RASSF8: variants seen among roughly 807,000 people sequenced by gnomAD.
The protein encoded by RASSF8 is ras association domain-containing protein 8.
RASSF8 carries 22 observed loss-of-function variants against 48.5 expected under a neutral mutation model. That is an observed-to-expected ratio of 0.45 (90% CI 0.32 to 0.65). The LOEUF (loss-of-function observed/expected upper bound fraction) is 0.65. RASSF8 is among the 30% of genes least tolerant of loss of function. RASSF8 has a pLI of 0.03. For missense variants in RASSF8, 418 were observed against 489.2 expected, an observed-to-expected ratio of 0.85 and a Z score of 1.37; for synonymous variants, 127 against 171.5, an observed-to-expected ratio of 0.74 and a Z score of 2.03.
chr12:26,013,046 A>G (rs1337566965), intron 2 of RASSF8, among the ~76,000 whole-genome samples: 1 of 152,142 alleles, frequency 6.6e-6, no homozygotes, highest in East Asian at 1.9e-4. Context: ...AAATTTATAG[A>G]ATCAAAATAA....
At chr12:25,981,238 A>T (rs939361423) in intron 1 of RASSF8, among the ~76,000 whole-genome samples, 27 of 152,202 alleles carry the variant, frequency 1.8e-4, no homozygotes, top group African/African-American at 6.5e-4. Flanking sequence ...GTGGGGTTTT[A>T]TTGGGGGCCT....
chr12:25,990,691 T>C (rs569000380), intron 1 of RASSF8, among the ~76,000 whole-genome samples: 233 of 152,344 alleles, frequency 1.5e-3, no homozygotes, highest in African/African-American at 4.6e-3. Flanking sequence ...CTTTGTATTT[T>C]GATGACAAGG....
chr12:26,001,627 G>T (rs1308965268), intron 2 of RASSF8, among the ~76,000 whole-genome samples: 1 of 151,904 alleles, frequency 6.6e-6, no homozygotes, highest in Non-Finnish European at 1.5e-5. Flanking sequence ...GGTCTACACA[G>T]GGTTGAGATT....
intron 1 of RASSF8, among the ~76,000 whole-genome samples, chr12:25,981,340 C>T (rs946483435): frequency 2.0e-5 from 3 of 152,098 alleles, no homozygotes; most frequent in African/African-American, 4.8e-5. Context: ...ACTTAGTGTC[C>T]CCCTGCTCAA....
chr12:26,062,501 A>G (rs1324229986), intron 3 of RASSF8, among the ~76,000 whole-genome samples: 1 of 152,134 alleles, frequency 6.6e-6, no homozygotes, highest in Non-Finnish European at 1.5e-5. Flanking sequence ...AGGCAATACT[A>G]CTCTTATCCC....
chr12:26,001,838 A>C (rs1212757480), intron 2 of RASSF8, among the ~76,000 whole-genome samples: 1 of 152,234 alleles, frequency 6.6e-6, no homozygotes, highest in Non-Finnish European at 1.5e-5. Context: ...AGAGTATAGT[A>C]AATACACAAA....
intron 2 of RASSF8, among the ~76,000 whole-genome samples, chr12:26,013,373 G>A (rs563163445): frequency 6.6e-6 from 1 of 152,300 alleles, no homozygotes; most frequent in South Asian, 2.1e-4. Flanking sequence ...AACCCATAGA[G>A]ATATCCTTAT....
intron 2 of RASSF8, among the ~76,000 whole-genome samples, chr12:26,004,586 T>C (rs1230520328): frequency 2.6e-5 from 4 of 152,230 alleles, no homozygotes; most frequent in African/African-American, 7.2e-5. Context: ...TATTATATAC[T>C]GTATTTGTAC....
intron 2 of RASSF8, among the ~76,000 whole-genome samples, chr12:25,999,173 C>T (rs1942199031): frequency 6.6e-6 from 1 of 151,686 alleles, no homozygotes; most frequent in South Asian, 2.1e-4. Context: ...TAGCCTGGGT[C>T]ATGGAGGAGA....
At position 26,068,780 on chromosome 12, in the gene RASSF8, A is replaced by G. The variant is rs971938908; in HGVS notation, c.1222A>G (p.Ile408Val). 15 of 1,536,908 alleles carry G rather than the reference A, an allele frequency of 9.8e-6. No homozygotes were observed. The highest frequency in any genetic ancestry group is 2.0e-5 in the Admixed American group (1 of 50,972). ...PSNLRILQNPISSGFNPEGIY... is the reference protein window; with the variant it reads ...PSNLRILQNPVSSGFNPEGIY... ...TAATCTCCGCATTCTGCAGAATCCT[A>G]TCTCATCTGGTTTTAATCCTGAAGG... Residue 408 changes from isoleucine (I) to valine (V), a missense_variant, in exon 6 of 6, where the codon ATC (isoleucine) becomes GTC (valine). Physicochemically the swap from Ile to Val is conservative, Grantham distance 29. Coordinates refer to ENST00000689635, the MANE Select transcript of RASSF8 (RefSeq NM_001394098.1).
At chr12:26,074,926 G>C (rs2669565), downstream of RASSF8, among the ~76,000 whole-genome samples, 123,965 of 152,066 alleles carry the variant, frequency 0.82, 50,835 homozygotes, top group African/African-American at 0.9. Context: ...ATCCTGACAG[G>C]CACAAGCAAA....
At chr12:25,995,184 A>G (rs1234335579) in intron 2 of RASSF8, 54 bp downstream of exon 2, 1 of 152,118 alleles carries the variant, frequency 6.6e-6, no homozygotes, top group Non-Finnish European at 1.5e-5. Flanking sequence ...GAAGAGTAGC[A>G]CTTTCAATGA....
rs145270592 is a variant in RASSF8 at position 25,982,212 on chromosome 12, AT to A, written c.-202-12820del. Among the ~76,000 whole-genome samples, 119 of 152,352 alleles carry A rather than the reference AT, an allele frequency of 7.8e-4. 1 individual carries two copies. Among genetic ancestry groups the A allele is most frequent in the African/African-American group, 2.8e-3 (116 of 41,588 alleles). ...GAAAAAGTTTGAAGTTGTAAATAAT[AT>A]TTTTAAATGAGAGATTGAGAATTCT... is the stretch of plus-strand genomic sequence containing the variant. On this transcript the variant is annotated intron_variant, in intron 1 of 5. Transcript: ENST00000689635.
intron 2 of RASSF8, among the ~76,000 whole-genome samples, chr12:25,998,374 A>C (rs1592248149): frequency 7.9e-6 from 1 of 125,890 alleles, no homozygotes; most frequent in African/African-American, 3.0e-5. Flanking sequence ...TTTGAGATGG[A>C]GTTTCACTCT....
rs34873759 is a variant in RASSF8, at chr12:26,067,658, C to T, written c.1083C>T (p.Thr361=). 0.013 allele frequency: 20,317 copies of T among 1,614,108 alleles called. 167 individuals carry two copies. Among genetic ancestry groups the T allele is most frequent in the African/African-American group, 0.023 (1,724 of 75,030 alleles). ...QFIQQTGTKV[T]VLPAEPIEIE... Reference sequence around the variant, plus strand: ...TCCAGCAGACAGGGACAAAAGTTACCGTTTTGCCAGCGGAGCCCATTGAAA... The same window carrying T: ...TCCAGCAGACAGGGACAAAAGTTACTGTTTTGCCAGCGGAGCCCATTGAAA... The change falls in exon 5 of 6, where the codon ACC becomes ACT. Residue 361 remains threonine (T), a synonymous_variant. Coordinates refer to ENST00000689635, the MANE Select transcript of RASSF8 (RefSeq NM_001394098.1).
intron 2 of RASSF8, among the ~76,000 whole-genome samples, chr12:26,025,219 G>A (rs1419131340): frequency 6.6e-6 from 1 of 152,044 alleles, no homozygotes; most frequent in Non-Finnish European, 1.5e-5. Context: ...ATTCAACATT[G>A]TGATGGAGGT....
chr12:26,036,049 A>T (rs1943144498), intron 2 of RASSF8, among the ~76,000 whole-genome samples: 1 of 151,080 alleles, frequency 6.6e-6, no homozygotes, highest in South Asian at 2.1e-4. Context: ...AGATACCATG[A>T]CAGCTTCTTC....
At chr12:26,062,859 G>A (rs571323785) in intron 3 of RASSF8, among the ~76,000 whole-genome samples, 28 of 152,234 alleles carry the variant, frequency 1.8e-4, no homozygotes, top group East Asian at 5.8e-4. Context: ...CAGAATCTGC[G>A]AAGCGTTTTA....
chr12:25,978,528 T>C (rs141072269), intron 1 of RASSF8, among the ~76,000 whole-genome samples: 1 of 152,252 alleles, frequency 6.6e-6, no homozygotes, highest in Non-Finnish European at 1.5e-5. Context: ...GTGCACCTTA[T>C]AAGCAACAAA....
Sources: allele counts gnomAD v4.1 joint callset (sites outside exome capture counted in the v4.1 genomes callset), GRCh38; gene constraint gnomAD v4.1.1; transcripts MANE v1.5; gene names NCBI Gene and HGNC (gene_info 2026-07-23, HGNC 2026-07-21).